Variants in THADA observed in about 807,000 individuals in gnomAD.
THADA encodes the protein THADA armadillo repeat containing, also known as tRNA (32-2'-O)-methyltransferase regulator THADA.
Under a neutral mutation model 219.8 loss-of-function variants are expected in THADA, and 213 were observed. The ratio of observed to expected loss-of-function variants is 0.97; its 90% CI spans 0.87 to 1.09. The LOEUF (loss-of-function observed/expected upper bound fraction) is 1.09, where lower values mean the gene tolerates loss of function less well. Among genes scored for constraint, THADA ranks in the 50% least tolerant of loss-of-function variants. The pLI is 0.00. For synonymous variants in THADA, 1,018 were observed against 828.9 expected (o/e 1.23, Z -3.92); for missense variants, 2,956 against 2,311.3 (o/e 1.28, Z -5.72).
At chr2:43,458,324 G>C (rs971354475) in intron 26 of THADA, among the ~76,000 whole-genome samples, 1 of 152,164 alleles carries the variant, frequency 6.6e-6, no homozygotes, top group Non-Finnish European at 1.5e-5. Context: ...AAAGCAAAAA[G>C]GGGTGAAGGT....
chr2:43,439,627 C>T lies in THADA; in HGVS notation c.3837-9325G>A, dbSNP rs996956033. The stretch of plus-strand genomic sequence containing the variant: ...ATGCTGGCATATTGTTATAGTTGTT[C>T]TATTTTATTATTAGTTATTGTTGTT... On this transcript the variant is annotated intron_variant, in intron 26 of 37. Transcript: ENST00000405975. Among the ~76,000 whole-genome samples the T allele has an allele frequency of 3.3e-5, 5 of 152,168 alleles. No individual in the cohort carries two copies. The East Asian group carries it at 5.8e-4, about 18-fold the overall frequency.
chr2:43,310,249 C>G (rs1374019829), intron 31 of THADA, among the ~76,000 whole-genome samples: 1 of 130,230 alleles, frequency 7.7e-6, no homozygotes, highest in Admixed American at 8.4e-5. Context: ...ACAAGCTGAT[C>G]CTAAAATTCA....
chr2:43,372,983 G>A (rs908045809), intron 29 of THADA, among the ~76,000 whole-genome samples: 2 of 151,928 alleles, frequency 1.3e-5, no homozygotes, highest in African/African-American at 4.8e-5. Flanking sequence ...GAGCCACCAC[G>A]CCCAGCCAAG....
intron 19 of THADA, among the ~76,000 whole-genome samples, chr2:43,549,579 T>C (rs527605356): frequency 6.6e-6 from 1 of 152,118 alleles, no homozygotes; most frequent in Non-Finnish European, 1.5e-5. Flanking sequence ...TAGACTGAAA[T>C]ATAACAACAA....
At chr2:43,567,406 G>A (rs558271814) in intron 14 of THADA, among the ~76,000 whole-genome samples, 1 of 152,100 alleles carries the variant, frequency 6.6e-6, no homozygotes, top group East Asian at 1.9e-4. Flanking sequence ...GAGGTGGGCA[G>A]ATCACCTGAG....
rs1431571915 is a variant in THADA at position 43,560,359 on chromosome 2, T to A, written c.2338A>T (p.Ser780Cys). 3 of 1,610,028 alleles carry A rather than the reference T, an allele frequency of 1.9e-6. No homozygotes were observed. Among genetic ancestry groups the A allele is most frequent in the Non-Finnish European group, 2.5e-6 (3 of 1,177,700 alleles). Residue 780 changes from serine (S) to cysteine (C), a missense_variant, in exon 16 of 38, where the codon AGT becomes TGT. Physicochemically the swap from Ser to Cys is moderately radical, Grantham distance 112. Transcript: ENST00000405975. ...AAACGACCAACATCAATATCATGAC[T>A]CAGCTGATATACTGTATAAATTCTG... ...EGRIYTVYQL[S>C]HDIDVGRFQT...
At chr2:43,285,904 T>A (rs1292005240) in intron 35 of THADA, among the ~76,000 whole-genome samples, 1 of 152,146 alleles carries the variant, frequency 6.6e-6, no homozygotes, top group African/African-American at 2.4e-5. Context: ...ACCTTCAACT[T>A]AAAAATCACT....
At chr2:43,263,387 G>A (rs1474834419) in intron 36 of THADA, among the ~76,000 whole-genome samples, 1 of 151,994 alleles carries the variant, frequency 6.6e-6, no homozygotes, top group Non-Finnish European at 1.5e-5. Flanking sequence ...TATATGCTGG[G>A]TGGGTGGGTG....
chr2:43,390,696 T>G (rs1433733390), intron 29 of THADA, among the ~76,000 whole-genome samples: 2 of 152,220 alleles, frequency 1.3e-5, no homozygotes, highest in African/African-American at 4.8e-5. Flanking sequence ...GAACATTTCT[T>G]ACTGTCTCCC....
At chr2:43,584,385 T>C (rs753483976) in intron 7 of THADA, among the ~76,000 whole-genome samples, 3 of 152,070 alleles carry the variant, frequency 2.0e-5, no homozygotes, top group Non-Finnish European at 2.9e-5. Context: ...AAAGTGGACA[T>C]TATTAAGCAG....
At chr2:43,267,756 CT>C (rs1476565459) in intron 36 of THADA, among the ~76,000 whole-genome samples, 3 of 151,982 alleles carry the variant, frequency 2.0e-5, no homozygotes, top group Non-Finnish European at 4.4e-5. Flanking sequence ...GTGTGCGCCC[CT>C]AATCATACGG....
At chr2:43,368,103 A>G (rs1670375956) in intron 29 of THADA, among the ~76,000 whole-genome samples, 1 of 152,156 alleles carries the variant, frequency 6.6e-6, no homozygotes, top group Admixed American at 6.5e-5. Context: ...GGGCAAAAAG[A>G]GCAAAACTCT....
chr2:43,468,553 C>G (rs1407696698), intron 26 of THADA, among the ~76,000 whole-genome samples: 2 of 152,158 alleles, frequency 1.3e-5, no homozygotes, highest in Non-Finnish European at 2.9e-5. Flanking sequence ...GCATTGCCCT[C>G]ATTTTCACTG....
At chr2:43,284,246 A>G (rs780990666) in intron 35 of THADA, among the ~76,000 whole-genome samples, 2 of 152,206 alleles carry the variant, frequency 1.3e-5, no homozygotes, top group Non-Finnish European at 2.9e-5. Context: ...GGCATTTCAG[A>G]GACCTTCACA....
intron 15 of THADA, 141 bp downstream of exon 15, chr2:43,566,557 T>C (rs768033927): frequency 5.3e-6 from 5 of 942,798 alleles, no homozygotes; most frequent in South Asian, 2.8e-5. Context: ...AATTTCATTA[T>C]GTACAAGCAA....
At chr2:43,482,411 C>A (rs549820770) in intron 26 of THADA, among the ~76,000 whole-genome samples, 1 of 152,208 alleles carries the variant, frequency 6.6e-6, no homozygotes, top group Admixed American at 6.5e-5. Flanking sequence ...ACTGGGAATA[C>A]ATCATTTTAC....
chr2:43,592,995 C>G (rs1701742942), intron 1 of THADA: 2 of 152,300 alleles, frequency 1.3e-5, no homozygotes, highest in East Asian at 3.9e-4. Flanking sequence ...CAACCCAACT[C>G]AGAGACTACA....
intron 12 of THADA, 98 bp from the exon 13 acceptor site, chr2:43,571,960 A>C: frequency 8.9e-7 from 1 of 1,127,322 alleles, no homozygotes; most frequent in Non-Finnish European, 1.3e-6. Flanking sequence ...AAAGGAAAAA[A>C]GTAAACTTCA....
At chr2:43,535,168 C>CTTTTT (rs549879408) in intron 21 of THADA, among the ~76,000 whole-genome samples, 31 of 52,538 alleles carry the variant, frequency 5.9e-4, no homozygotes, top group African/African-American at 1.1e-3. Flanking sequence ...ATCATTTGTC[C>CTTTTT]TTTTTTTTTT....
Sources: allele counts gnomAD v4.1 joint callset (sites outside exome capture counted in the v4.1 genomes callset), GRCh38; gene constraint gnomAD v4.1.1; transcripts MANE v1.5; gene names NCBI Gene and HGNC (gene_info 2026-07-23, HGNC 2026-07-21).